Variants in CNTLN observed in about 807,000 individuals in gnomAD.
CNTLN encodes the protein centlein, also known as centlein, centrosomal protein.
A neutral mutation model predicts 180.0 loss-of-function variants in CNTLN; 212 were observed. The observed-to-expected ratio is 1.18, with a 90% CI of 1.05 to 1.32. The LOEUF (loss-of-function observed/expected upper bound fraction) is 1.32. CNTLN is among the 40% of genes most tolerant of loss of function. The pLI is 0.00. For missense variants in CNTLN, 2,095 were observed against 1,610.9 expected, an observed-to-expected ratio of 1.30 and a Z score of -5.14; for synonymous variants, 722 against 563.1, an observed-to-expected ratio of 1.28 and a Z score of -3.99.
At chr9:17,155,529 G>C (rs1478849248) in intron 2 of CNTLN, among the ~76,000 whole-genome samples, 1 of 152,202 alleles carries the variant, frequency 6.6e-6, no homozygotes, top group Non-Finnish European at 1.5e-5. Context: ...GCTCTGCCCA[G>C]TTCGAACTTC....
intron 15 of CNTLN, among the ~76,000 whole-genome samples, chr9:17,402,441 C>T (rs1314167621): frequency 6.6e-6 from 1 of 151,818 alleles, no homozygotes; most frequent in Non-Finnish European, 1.5e-5. Context: ...AACTTCCTCA[C>T]TGAACTAAGT....
intron 18 of CNTLN, among the ~76,000 whole-genome samples, chr9:17,445,870 C>T (rs1223186508): frequency 1.3e-5 from 2 of 152,136 alleles, no homozygotes; most frequent in African/African-American, 4.8e-5. Flanking sequence ...CTGCCTGTCC[C>T]TGGGCAATGG....
chr9:17,385,577 C>T (rs183017933), intron 13 of CNTLN, among the ~76,000 whole-genome samples: 1 of 152,138 alleles, frequency 6.6e-6, no homozygotes, highest in African/African-American at 2.4e-5. Context: ...GTTTCAGGAA[C>T]TGGGGACAAA....
At chr9:17,480,484 A>G (rs1234518362) in intron 23 of CNTLN, among the ~76,000 whole-genome samples, 1 of 152,180 alleles carries the variant, frequency 6.6e-6, no homozygotes, top group Admixed American at 6.5e-5. Flanking sequence ...ATGAATCCTT[A>G]GGTGTATTTA....
At chr9:17,338,536 T>C (rs943405698) in intron 10 of CNTLN, among the ~76,000 whole-genome samples, 8 of 151,712 alleles carry the variant, frequency 5.3e-5, no homozygotes, top group Admixed American at 1.3e-4. Context: ...ATCACTAATA[T>C]TGTTTTCTAG....
chr9:17,246,548 G>GT (rs1042384973), intron 5 of CNTLN, among the ~76,000 whole-genome samples: 1 of 152,158 alleles, frequency 6.6e-6, no homozygotes, highest in African/African-American at 2.4e-5. Context: ...CCACTGTGTG[G>GT]TTTTTGCCTG....
chr9:17,415,480 G>A (rs754670813), intron 16 of CNTLN, among the ~76,000 whole-genome samples: 2 of 152,048 alleles, frequency 1.3e-5, no homozygotes, highest in Non-Finnish European at 2.9e-5. Context: ...TCTTCTGCCT[G>A]CTGGTTTAAG....
chr9:17,179,026 C>G (rs888829041), intron 2 of CNTLN, among the ~76,000 whole-genome samples: 1 of 151,394 alleles, frequency 6.6e-6, no homozygotes, highest in African/African-American at 2.4e-5. Flanking sequence ...GGGCGGATCA[C>G]GAGGTCAGGA....
intron 18 of CNTLN, chr9:17,444,095 C>T (rs1830266761): frequency 6.6e-6 from 1 of 152,084 alleles, no homozygotes; most frequent in Non-Finnish European, 1.5e-5. Context: ...AACACAAAAT[C>T]AAAGGATGAA....
At chr9:17,377,740 A>G (rs1478947031) in intron 13 of CNTLN, among the ~76,000 whole-genome samples, 1 of 152,172 alleles carries the variant, frequency 6.6e-6, no homozygotes, top group Admixed American at 6.5e-5. Context: ...CATTTATAGA[A>G]TCAGTGGTTG....
At chr9:17,240,286 G>A (rs1467455143) in intron 5 of CNTLN, among the ~76,000 whole-genome samples, 2 of 151,960 alleles carry the variant, frequency 1.3e-5, no homozygotes, top group Non-Finnish European at 1.5e-5. Flanking sequence ...ACACAATTGA[G>A]TTTTGTATAC....
At chr9:17,437,519 A>G (rs976330411) in intron 18 of CNTLN, among the ~76,000 whole-genome samples, 5 of 152,228 alleles carry the variant, frequency 3.3e-5, no homozygotes, top group Admixed American at 3.3e-4. Context: ...TGTCTCATCA[A>G]TATCAATGTT....
intron 18 of CNTLN, among the ~76,000 whole-genome samples, chr9:17,433,324 G>A (rs141339624): frequency 1.1e-4 from 17 of 149,834 alleles, no homozygotes; most frequent in Non-Finnish European, 1.5e-4. Flanking sequence ...TCGTTCTGTC[G>A]CCCAAGCTGG....
At chr9:17,195,042 A>G (rs1822042483) in intron 2 of CNTLN, among the ~76,000 whole-genome samples, 1 of 152,156 alleles carries the variant, frequency 6.6e-6, no homozygotes, top group African/African-American at 2.4e-5. Context: ...TCCCTCCCAT[A>G]ACGTGGGAAT....
chr9:17,143,755 C>T (rs1818265973), intron 2 of CNTLN, among the ~76,000 whole-genome samples: 1 of 152,160 alleles, frequency 6.6e-6, no homozygotes. Context: ...CTCAGTTTTC[C>T]CCTTAGATAA....
intron 8 of CNTLN, among the ~76,000 whole-genome samples, chr9:17,325,931 AG>A (rs1446766647): frequency 6.6e-6 from 1 of 152,114 alleles, no homozygotes; most frequent in East Asian, 1.9e-4. Context: ...GGCAATATTC[AG>A]TCGGCCCCCA....
chr9:17,261,688 A>G (rs1177111653), intron 5 of CNTLN, among the ~76,000 whole-genome samples: 2 of 151,242 alleles, frequency 1.3e-5, no homozygotes, highest in Non-Finnish European at 2.9e-5. Flanking sequence ...TGCTCTGGCT[A>G]GGACTTCTAG....
intron 16 of CNTLN, among the ~76,000 whole-genome samples, chr9:17,410,903 T>C (rs1300965727): frequency 3.9e-5 from 6 of 152,212 alleles, no homozygotes; most frequent in Admixed American, 3.9e-4. Context: ...TCATGCTGTC[T>C]TAGTTACATT....
At chr9:17,323,910 A>G (rs957250409) in intron 8 of CNTLN, among the ~76,000 whole-genome samples, 19 of 152,208 alleles carry the variant, frequency 1.2e-4, no homozygotes, top group African/African-American at 4.6e-4. Context: ...TCAGGAATTG[A>G]GAGGTGATGA....
Sources: gnomAD v4.1 joint callset for allele counts (sites outside exome capture counted in the v4.1 genomes callset) on GRCh38, gnomAD v4.1.1 for gene constraint, MANE v1.5 for transcripts, NCBI Gene and HGNC (gene_info 2026-07-23, HGNC 2026-07-21) for gene names.